Variants in CENPF observed in about 807,000 individuals in gnomAD.
The protein encoded by CENPF is centromere protein F.
A neutral mutation model predicts 307.3 loss-of-function variants in CENPF; 214 were observed. The observed-to-expected ratio is 0.70, with a 90% CI of 0.62 to 0.78. The LOEUF (loss-of-function observed/expected upper bound fraction) is 0.78. Among genes scored for constraint, CENPF ranks in the 30% least tolerant of loss-of-function variants. The probability of loss-of-function intolerance (pLI) is 0.00; values close to 1 mark genes in which losing one functional copy is unlikely to be tolerated. For missense variants in CENPF, 3,401 were observed against 3,483.9 expected, an observed-to-expected ratio of 0.98 and a Z score of 0.60; for synonymous variants, 1,259 against 1,270.6, an observed-to-expected ratio of 0.99 and a Z score of 0.19.
chr1:214,661,748 T>C (rs1416655947), intron 19 of CENPF, among the ~76,000 whole-genome samples: 1 of 152,180 alleles, frequency 6.6e-6, no homozygotes, highest in Non-Finnish European at 1.5e-5. Context: ...ATGGTGGTGT[T>C]AGTTTTGTGG....
chr1:214,622,740 A>AAAAG (rs1247331136), intron 7 of CENPF, among the ~76,000 whole-genome samples: 11 of 133,618 alleles, frequency 8.2e-5, no homozygotes, highest in African/African-American at 2.8e-4. Flanking sequence ...TTTAGGGGGA[A>AAAAG]AAAAGATCGT....
chr1:214,661,057 G>C (rs1185787788), intron 19 of CENPF, among the ~76,000 whole-genome samples: 1 of 152,216 alleles, frequency 6.6e-6, no homozygotes, highest in African/African-American at 2.4e-5. Flanking sequence ...GCGGCGTTCA[G>C]ACTTACTATC....
Position 214,632,621 on chromosome 1 carries a change from G to C in CENPF, c.1446+19G>C, listed in dbSNP as rs766188193. ...CATGGAGGTAAGGGAGGAGGATGCC[G>C]AATTTTCTCCACTTATGTAAGAACC... is the stretch of plus-strand genomic sequence containing the variant. On this transcript the variant is annotated intron_variant, in intron 10 of 19. Coordinates refer to ENST00000366955, the MANE Select transcript of CENPF (RefSeq NM_016343.4). 1.9e-5 allele frequency: 30 copies of C among 1,610,234 alleles called. No homozygotes were observed. The highest frequency in any genetic ancestry group is 2.5e-5 in the Non-Finnish European group (29 of 1,178,836).
chr1:214,662,662 T>A (rs1289426510), intron 19 of CENPF, among the ~76,000 whole-genome samples: 3 of 152,228 alleles, frequency 2.0e-5, no homozygotes. Flanking sequence ...CTTTGAAAGA[T>A]CTTCCTACTT....
In CENPF at chr1:214,642,225, C is replaced by T. The variant is rs758730694; in HGVS notation, c.3887C>T (p.Thr1296Ile). Residue 1296 changes from threonine to isoleucine, a missense_variant, in exon 12 of 20, where the codon ACA becomes ATA. Physicochemically the swap from Thr to Ile is moderately conservative, Grantham distance 89. Coordinates refer to ENST00000366955, the MANE Select transcript of CENPF (RefSeq NM_016343.4). ...NAHLQCSLQT[T>I]MNKLNELEKI... ...CACCTTCAGTGCTCTCTGCAAACAA[C>T]AATGAACAAGCTGAATGAGCTAGAG... 1.2e-6 allele frequency: 2 copies of T among 1,614,116 alleles called. No individual in the cohort carries two copies. The highest frequency in any genetic ancestry group is 4.5e-5 in the East Asian group (2 of 44,856).
Position 214,664,013 on chromosome 1 carries a change from C to T in CENPF, c.*219C>T, listed in dbSNP as rs535045701. ...TGTTAGCATTGCCATTCCTCTACTGCAATGTAAATAGTATAAAGCTATGTA... is the reference window on the plus strand; with the variant it reads ...TGTTAGCATTGCCATTCCTCTACTGTAATGTAAATAGTATAAAGCTATGTA... On this transcript the variant is annotated 3_prime_UTR_variant, in exon 20 of 20. Coordinates refer to ENST00000366955, the MANE Select transcript of CENPF (RefSeq NM_016343.4). 3.7e-4 allele frequency: 196 copies of T among 532,884 alleles called. No individual in the cohort carries two copies. The highest frequency in any genetic ancestry group is 5.9e-4 in the Non-Finnish European group (176 of 300,818). 33.0% of individuals were successfully genotyped at this position (532,884 alleles called of 1,614,324 possible). A position where few individuals can be genotyped will look rare whatever the true frequency, so the allele number is the denominator to read the frequency against.
intron 3 of CENPF, among the ~76,000 whole-genome samples, chr1:214,617,699 T>C (rs970726105): frequency 9.8e-5 from 15 of 152,356 alleles, no homozygotes; most frequent in African/African-American, 3.6e-4. Flanking sequence ...TAATATATGA[T>C]CTGTATATCA....
In CENPF at chr1:214,641,558, C is replaced by T. The variant is rs766473251; in HGVS notation, c.3220C>T (p.Leu1074=). ...AAATAGGAAAAATGAGTTGGAACAG[C>T]TAAAGGAAGCATTTGCAAAGGAACA... ...CENRKNELEQ[L]KEAFAKEHQE... Residue 1074 remains leucine, a synonymous_variant, in exon 12 of 20, where the codon CTA becomes TTA. Transcript: ENST00000366955. The T allele has an allele frequency of 7.9e-6, 12 of 1,526,554 alleles. No homozygotes were observed. In the African/African-American group the frequency reaches 1.5e-4, roughly 20 times the overall value. The allele number at this position is 1,526,554 out of a possible 1,614,324, so 94.6% of individuals were successfully genotyped here. A position where few individuals can be genotyped will look rare whatever the true frequency, so the allele number is the denominator to read the frequency against.
intron 10 of CENPF, among the ~76,000 whole-genome samples, chr1:214,634,881 A>G (rs1657913787): frequency 6.6e-6 from 1 of 152,242 alleles, no homozygotes; most frequent in South Asian, 2.1e-4. Context: ...TGACAGTTGT[A>G]CTGAAATTTT....
intron 10 of CENPF, among the ~76,000 whole-genome samples, chr1:214,634,787 C>T (rs759408420): frequency 2.0e-5 from 3 of 152,180 alleles, no homozygotes; most frequent in Non-Finnish European, 4.4e-5. Context: ...ATTACTGTGT[C>T]ACTCTGGGTA....
In CENPF at chr1:214,663,691, C is replaced by A; in HGVS notation, c.9242C>A (p.Thr3081Asn). 6.2e-7 allele frequency: 1 copy of A among 1,614,078 alleles called. No individual in the cohort carries two copies. Among genetic ancestry groups the A allele is most frequent in the African/African-American group, 1.3e-5 (1 of 75,006 alleles). ...AATAATCTTCCTGAGAGAAGTCCGA[C>A]TGACAGCCCCAGAGAGGGCCTGAGG... is the stretch of plus-strand genomic sequence containing the variant. ...PVNNLPERSP[T>N]DSPREGLRVK... is the part of the protein sequence containing the mutation. The change falls in exon 20 of 20, where the codon ACT becomes AAT. Residue 3081 changes from threonine (T) to asparagine (N), a missense_variant. Transcript: ENST00000366955.
intron 1 of CENPF, among the ~76,000 whole-genome samples, chr1:214,604,965 A>G (rs1440819659): frequency 6.6e-6 from 1 of 152,176 alleles, no homozygotes; most frequent in African/African-American, 2.4e-5. Context: ...TAGTACTTTC[A>G]TGAACTGCTT....
chr1:214,655,267 G>C lies in CENPF; in HGVS notation c.8349G>C (p.Gln2783His), dbSNP rs142868556. 1.3e-5 allele frequency: 21 copies of C among 1,603,292 alleles called. No individual in the cohort carries two copies. Among genetic ancestry groups the C allele is most frequent in the Non-Finnish European group, 1.8e-5 (21 of 1,175,150 alleles). ...TKMDNLKYVN[Q>H]LKKENERAQG... is the part of the protein sequence containing the mutation. The stretch of plus-strand genomic sequence containing the variant: ...TGGACAATCTAAAATATGTAAATCA[G>C]TTGAAGAAGGAAAATGAACGTGCCC... Residue 2783 changes from glutamine (Q) to histidine (H), a missense_variant, in exon 17 of 20, where the codon CAG becomes CAC. By Grantham distance (24) the Gln-to-His change is conservative. Transcript: ENST00000366955.
In CENPF at chr1:214,614,826, C is replaced by T; in HGVS notation, c.163-6C>T. On this transcript the variant is annotated splice_region_variant and splice_polypyrimidine_tract_variant and intron_variant, in intron 2 of 19. Coordinates refer to ENST00000366955, the MANE Select transcript of CENPF (RefSeq NM_016343.4). ...GAGTTATTGTCTTCTGAACAATTCT[C>T]ATTAGGTTGAAAATGAAAAAACCGA... The T allele has an allele frequency of 6.4e-7, 1 of 1,559,558 alleles. No homozygotes were observed.
chr1:214,646,083 G>GC lies in CENPF; in HGVS notation c.6514dup (p.Leu2172ProfsTer5). On this transcript the variant is annotated frameshift_variant, in exon 13 of 20. Transcript: ENST00000366955. LOFTEE classifies it high-confidence loss of function. ...TGCAGATGTCAGAAGAAAACCAGGA[G>GC]CTAGTGATTCTTGATGCCGAGAATT... 6.2e-7 allele frequency: 1 copy of GC among 1,614,066 alleles called. No individual in the cohort carries two copies. Among genetic ancestry groups the GC allele is most frequent in the Non-Finnish European group, 8.5e-7 (1 of 1,180,026 alleles).
In CENPF at chr1:214,614,835, G is replaced by T; in HGVS notation, c.166G>T (p.Glu56Ter). 6.4e-7 allele frequency: 1 copy of T among 1,570,356 alleles called. No individual in the cohort carries two copies. The highest frequency in any genetic ancestry group is 8.6e-7 in the Non-Finnish European group (1 of 1,161,442). ...AALQKQKQKV[E>*]NEKTEGTNLK... ...TCTTCTGAACAATTCTCATTAGGTT[G>T]AAAATGAAAAAACCGAGGGTACAAA... is the stretch of plus-strand genomic sequence containing the variant. The change falls in exon 3 of 20, where the codon GAA (glutamate) becomes TAA (stop). Residue 56 changes from glutamate (E) to a stop codon, truncating the protein, a stop_gained. Coordinates refer to ENST00000366955, the MANE Select transcript of CENPF (RefSeq NM_016343.4). LOFTEE classifies it high-confidence loss of function.
intron 8 of CENPF, among the ~76,000 whole-genome samples, chr1:214,629,975 T>C (rs990274428): frequency 3.9e-5 from 6 of 152,222 alleles, no homozygotes; most frequent in Non-Finnish European, 7.3e-5. Context: ...TCTGCCAATT[T>C]GGTTCTTTCA....
rs780968131 is a variant in CENPF at position 214,652,920 on chromosome 1, T to C, written c.8253T>C (p.Ser2751=). 3 of 1,608,638 alleles carry C rather than the reference T, an allele frequency of 1.9e-6. No homozygotes were observed. The highest frequency in any genetic ancestry group is 2.5e-6 in the Non-Finnish European group (3 of 1,178,202). The change falls in exon 16 of 20, where the codon TCT becomes TCC. Residue 2751 remains serine, a synonymous_variant. Coordinates refer to ENST00000366955, the MANE Select transcript of CENPF (RefSeq NM_016343.4). ...AGCTGGAGATAGACCTTTTAAAGTC[T>C]AGTAAAGAAGAGCTCAATAATTCAT... is the stretch of plus-strand genomic sequence containing the variant. ...SQKLEIDLLK[S]SKEELNNSLK... is the part of the protein sequence containing the mutation.
In CENPF at chr1:214,663,748, A is replaced by G. The variant is rs1392412665; in HGVS notation, c.9299A>G (p.Lys3100Arg). 6.2e-7 allele frequency: 1 copy of G among 1,614,124 alleles called. No individual in the cohort carries two copies. Among genetic ancestry groups the G allele is most frequent in the Admixed American group, 1.7e-5 (1 of 60,012 alleles). The change falls in exon 20 of 20, where the codon AAA (lysine) becomes AGA (arginine). Residue 3100 changes from lysine (K) to arginine (R), a missense_variant. By Grantham distance (26) the Lys-to-Arg change is conservative (BLOSUM62 2). Coordinates refer to ENST00000366955, the MANE Select transcript of CENPF (RefSeq NM_016343.4). ...CGAGGCCGACTTGTCCCCAGCCCCA[A>G]AGCTGGACTGGAGTCCAACGGCAGT... ...VKRGRLVPSPKAGLESNGSEN... is the reference protein window; with the variant it reads ...VKRGRLVPSPRAGLESNGSEN...
Sources: allele counts gnomAD v4.1 joint callset (sites outside exome capture counted in the v4.1 genomes callset), GRCh38; gene constraint gnomAD v4.1.1; transcripts MANE v1.5; gene names NCBI Gene and HGNC (gene_info 2026-07-23, HGNC 2026-07-21).